MSRA: variants seen among roughly 807,000 people sequenced by gnomAD.
The protein encoded by MSRA is methionine sulfoxide reductase A.
A neutral mutation model predicts 31.3 loss-of-function variants in MSRA; 54 were observed. That is an observed-to-expected ratio of 1.73 (90% CI 1.39 to 2.17). The LOEUF (loss-of-function observed/expected upper bound fraction) is 2.17. MSRA is among the 30% of genes most tolerant of loss of function. MSRA has a pLI of 0.00. For synonymous variants in MSRA, 169 were observed against 116.5 expected, an observed-to-expected ratio of 1.45 and a Z score of -2.90; for missense variants, 507 against 300.9, an observed-to-expected ratio of 1.69 and a Z score of -5.07.
At chr8:10,240,881 G>C (rs1212703208) in intron 2 of MSRA, among the ~76,000 whole-genome samples, 3 of 152,000 alleles carry the variant, frequency 2.0e-5, no homozygotes, top group Non-Finnish European at 4.4e-5. Flanking sequence ...CCCCCAGCTG[G>C]TTTTACAGGA....
chr8:10,084,462 A>G (rs73526802), intron 1 of MSRA, among the ~76,000 whole-genome samples: 1,757 of 152,286 alleles, frequency 0.012, 27 homozygotes, highest in African/African-American at 0.036. Flanking sequence ...AACCATGTAA[A>G]CCTTCGTAAA....
At chr8:10,098,202 T>C (rs530895308) in intron 1 of MSRA, among the ~76,000 whole-genome samples, 2 of 152,180 alleles carry the variant, frequency 1.3e-5, no homozygotes, top group Non-Finnish European at 2.9e-5. Flanking sequence ...TATTTTAAAG[T>C]ATATAAATAC....
At chr8:10,152,251 A>G (rs1240262047) in intron 1 of MSRA, among the ~76,000 whole-genome samples, 1 of 152,266 alleles carries the variant, frequency 6.6e-6, no homozygotes, top group Admixed American at 6.5e-5. Context: ...AAAAACATAT[A>G]TAAACACATG....
intron 1 of MSRA, among the ~76,000 whole-genome samples, chr8:10,078,263 TCAGC>T (rs532185654): frequency 1.8e-4 from 28 of 152,332 alleles, no homozygotes; most frequent in African/African-American, 6.3e-4. Flanking sequence ...CCTTCCCTAC[TCAGC>T]CAGTTTGCTA....
intron 5 of MSRA, among the ~76,000 whole-genome samples, chr8:10,364,422 C>G (rs779848332): frequency 9.2e-5 from 14 of 152,216 alleles, no homozygotes; most frequent in Non-Finnish European, 1.6e-4. Context: ...CTCCATCACA[C>G]TTGGCCATTT....
chr8:10,292,256 C>T (rs532280888), intron 3 of MSRA, among the ~76,000 whole-genome samples: 32 of 152,108 alleles, frequency 2.1e-4, no homozygotes, highest in Non-Finnish European at 4.0e-4. Flanking sequence ...ATGCCCCGTC[C>T]GGATGAAGGA....
intron 1 of MSRA, among the ~76,000 whole-genome samples, chr8:10,055,340 A>G (rs1802289943): frequency 6.6e-6 from 1 of 152,384 alleles, no homozygotes; most frequent in South Asian, 2.1e-4. Flanking sequence ...AATACTAGAA[A>G]AATGTTCACG....
intron 3 of MSRA, chr8:10,250,648 G>C (rs1312977120): frequency 1.7e-6 from 1 of 599,718 alleles, no homozygotes; most frequent in Non-Finnish European, 3.0e-6. Context: ...CAGGAGCCCA[G>C]GTGTGGGAAG....
chr8:10,187,258 C>T (rs143736116), intron 1 of MSRA, among the ~76,000 whole-genome samples: 4 of 152,294 alleles, frequency 2.6e-5, no homozygotes, highest in African/African-American at 9.6e-5. Flanking sequence ...CCGGTGATAC[C>T]TGGAGTGTCT....
intron 5 of MSRA, among the ~76,000 whole-genome samples, chr8:10,406,631 T>A (rs895875479): frequency 2.0e-5 from 3 of 152,214 alleles, no homozygotes; most frequent in Non-Finnish European, 4.4e-5. Context: ...TTGCTCTCTT[T>A]TCCCTCCTGG....
Position 10,054,538 on chromosome 8 carries a change from G to C in MSRA, c.22G>C (p.Ala8Pro). MLSATRR[A>P]CQLLLLHSLF... The stretch of plus-strand genomic sequence containing the variant: ...TCCCATGCTCTCGGCCACCCGGAGG[G>C]CTTGCCAGCTCCTCCTCCTCCACAG... The change falls in exon 1 of 6, where the codon GCT becomes CCT. Residue 8 changes from alanine (A) to proline (P), a missense_variant. Physicochemically the swap from Ala to Pro is conservative, Grantham distance 27. Transcript: ENST00000317173. The C allele has an allele frequency of 6.3e-7, 1 of 1,585,914 alleles. No individual in the cohort carries two copies. The highest frequency in any genetic ancestry group is 8.6e-7 in the Non-Finnish European group (1 of 1,166,750).
chr8:10,266,095 C>T (rs1798734198), intron 3 of MSRA, among the ~76,000 whole-genome samples: 1 of 152,214 alleles, frequency 6.6e-6, no homozygotes, highest in Admixed American at 6.5e-5. Context: ...TTTCATTTCT[C>T]TTACATTAAT....
At chr8:10,161,668 G>C (rs1367522442) in intron 1 of MSRA, among the ~76,000 whole-genome samples, 2 of 152,102 alleles carry the variant, frequency 1.3e-5, no homozygotes, top group Non-Finnish European at 2.9e-5. Flanking sequence ...GTGAGCTGGA[G>C]AGAATGCAGG....
chr8:10,173,341 G>T (rs1292943314), intron 1 of MSRA, among the ~76,000 whole-genome samples: 1 of 152,234 alleles, frequency 6.6e-6, no homozygotes, highest in African/African-American at 2.4e-5. Flanking sequence ...GTGAAATCAA[G>T]GAATCGCTCT....
At chr8:10,166,899 C>G (rs1270016559) in intron 1 of MSRA, among the ~76,000 whole-genome samples, 2 of 152,124 alleles carry the variant, frequency 1.3e-5, no homozygotes, top group African/African-American at 4.8e-5. Context: ...CTAATTAAAT[C>G]AGGCCCTCTG....
At chr8:10,392,499 C>G (rs754251093) in intron 5 of MSRA, among the ~76,000 whole-genome samples, 5 of 152,136 alleles carry the variant, frequency 3.3e-5, no homozygotes, top group Non-Finnish European at 7.4e-5. Context: ...GCTGCTCCTT[C>G]CGCTCTTTCT....
chr8:10,420,493 G>A (rs956159577), intron 5 of MSRA, among the ~76,000 whole-genome samples: 3 of 152,118 alleles, frequency 2.0e-5, no homozygotes, highest in Non-Finnish European at 2.9e-5. Context: ...TACAGTTCTT[G>A]TGGTCTGGAG....
At chr8:10,365,397 T>G (rs1805103346) in intron 5 of MSRA, among the ~76,000 whole-genome samples, 1 of 152,186 alleles carries the variant, frequency 6.6e-6, no homozygotes, top group Non-Finnish European at 1.5e-5. Context: ...AGTCAGAATT[T>G]ACATTGTTTC....
chr8:10,134,263 C>T (rs1440944533), intron 1 of MSRA, among the ~76,000 whole-genome samples: 5 of 152,198 alleles, frequency 3.3e-5, no homozygotes, highest in South Asian at 2.1e-4. Context: ...TCCATGAGCA[C>T]GTTGGTTGCT....
Sources: gnomAD v4.1 joint callset for allele counts (sites outside exome capture counted in the v4.1 genomes callset) on GRCh38, gnomAD v4.1.1 for gene constraint, MANE v1.5 for transcripts, NCBI Gene and HGNC (gene_info 2026-07-23, HGNC 2026-07-21) for gene names.